Variants in ZGRF1 observed in about 807,000 individuals in gnomAD.
ZGRF1 encodes 5'-3' DNA helicase ZGRF1.
A neutral mutation model predicts 203.5 loss-of-function variants in ZGRF1; 196 were observed. The observed-to-expected ratio is 0.96, with a 90% CI of 0.86 to 1.08. ZGRF1 has a LOEUF of 1.08. ZGRF1 is among the 50% of genes least tolerant of loss of function. ZGRF1 has a pLI of 0.00. For synonymous variants in ZGRF1, 809 were observed against 841.3 expected (o/e 0.96, Z 0.66); for missense variants, 2,326 against 2,416.3 (o/e 0.96, Z 0.78).
chr4:112,540,118 G>A lies in ZGRF1; in HGVS notation c.5917C>T (p.His1973Tyr). The A allele has an allele frequency of 6.5e-7, 1 of 1,546,876 alleles. No individual in the cohort carries two copies. Among genetic ancestry groups the A allele is most frequent in the Middle Eastern group, 1.7e-4 (1 of 5,882 alleles). ...LYKSQMYKLC[H>Y]LLSAVDFHHP... Reference sequence around the variant, plus strand: ...TGAAAGTCCACAGCACTGAGTAAATGACAAAGCTGTGGAAGAAAAAACAGC... The same window carrying A: ...TGAAAGTCCACAGCACTGAGTAAATAACAAAGCTGTGGAAGAAAAAACAGC... The change falls in exon 27 of 28, where the codon CAT (histidine) becomes TAT (tyrosine). Residue 1973 changes from histidine to tyrosine, a missense_variant. Coordinates refer to ENST00000505019, the MANE Select transcript of ZGRF1 (RefSeq NM_018392.5).
chr4:112,585,163 G>C (rs756927824), intron 14 of ZGRF1, among the ~76,000 whole-genome samples: 6 of 152,138 alleles, frequency 3.9e-5, no homozygotes, highest in Non-Finnish European at 5.9e-5. Context: ...CTAGCACTTT[G>C]GGAGGCCAAG....
rs773555655 is a variant in ZGRF1, at chr4:112,631,985, T to C, written c.47A>G (p.Lys16Arg). 1.9e-5 allele frequency: 31 copies of C among 1,591,580 alleles called. No homozygotes were observed. Among genetic ancestry groups the C allele is most frequent in the Non-Finnish European group, 2.5e-5 (29 of 1,168,144 alleles). The change falls in exon 3 of 28, where the codon AAG (lysine) becomes AGG (arginine). Residue 16 changes from lysine (K) to arginine (R), a missense_variant. Transcript: ENST00000505019. The part of the protein sequence containing the change: ...FIVLYTHQKM[K>R]KSKVWQDGIL... ...TCCATCTTGCCACACTTTTGACTTC[T>C]TCATCTTTTGATGAGTATATAGAAC... is the stretch of plus-strand genomic sequence containing the variant.
chr4:112,562,069 C>G (rs1305989485), intron 18 of ZGRF1, among the ~76,000 whole-genome samples: 3 of 151,892 alleles, frequency 2.0e-5, no homozygotes, highest in African/African-American at 4.8e-5. Context: ...GCCAGTATGC[C>G]CAGCTAATTT....
rs1017352395 is a variant in ZGRF1, at chr4:112,619,502, C to T, written c.540G>A (p.Val180=). 3 of 1,613,306 alleles carry T rather than the reference C, an allele frequency of 1.9e-6. No homozygotes were observed. Among genetic ancestry groups the T allele is most frequent in the African/African-American group, 2.7e-5 (2 of 74,894 alleles). The change falls in exon 6 of 28, where the codon GTG becomes GTA. Residue 180 remains valine (V), a synonymous_variant. Transcript: ENST00000505019. ...CATTTCTCTCCCTGTTCTTGTAAGT[C>T]ACAATGTTCTCAGGGTCTGCCAGTA... ...NNILADPENI[V]TYKNRERNAM...
intron 10 of ZGRF1, among the ~76,000 whole-genome samples, chr4:112,600,595 G>T (rs759546824): frequency 6.6e-6 from 1 of 152,040 alleles, no homozygotes; most frequent in South Asian, 2.1e-4. Context: ...GGAGGCTGAC[G>T]CAGGAGAATC....
intron 10 of ZGRF1, among the ~76,000 whole-genome samples, chr4:112,598,894 T>C (rs972236772): frequency 1.3e-5 from 2 of 151,812 alleles, no homozygotes; most frequent in East Asian, 1.9e-4. Flanking sequence ...CTATAAAAAA[T>C]TTAAAAATTA....
rs1475791691 is a variant in ZGRF1 at position 112,580,700 on chromosome 4, G to C, written c.4438+963C>G. Among the ~76,000 whole-genome samples the C allele has an allele frequency of 1.1e-4, 16 of 152,346 alleles. No homozygotes were observed. In the East Asian group the frequency reaches 2.9e-3, roughly 28 times the overall value. ...AAATGCTCATCATCACTGGCCATCA[G>C]AGAACTGCAAATCAAAACCACAATG... is the stretch of plus-strand genomic sequence containing the variant. On this transcript the variant is annotated intron_variant, in intron 16 of 27. Transcript: ENST00000505019.
At chr4:112,568,839 C>A (rs367776757) in intron 16 of ZGRF1, among the ~76,000 whole-genome samples, 1 of 151,200 alleles carries the variant, frequency 6.6e-6, no homozygotes, top group Admixed American at 6.6e-5. Flanking sequence ...CATGGTGAAA[C>A]CCTATCTCTA....
chr4:112,551,782 A>AT (rs201138821), intron 22 of ZGRF1, among the ~76,000 whole-genome samples: 4,257 of 152,260 alleles, frequency 0.028, 95 homozygotes, highest in Middle Eastern at 0.092. Context: ...GTCAAGAAGC[A>AT]TTTTTTAAAT....
chr4:112,546,592 A>G (rs1416946935), intron 24 of ZGRF1, among the ~76,000 whole-genome samples: 2 of 152,232 alleles, frequency 1.3e-5, no homozygotes, highest in African/African-American at 2.4e-5. Context: ...GATTCTGCCT[A>G]ATCCTCACGG....
At chr4:112,551,230 T>A (rs1416474580) in intron 22 of ZGRF1, among the ~76,000 whole-genome samples, 2 of 152,214 alleles carry the variant, frequency 1.3e-5, no homozygotes, top group East Asian at 3.9e-4. Flanking sequence ...TGAGGAGCAA[T>A]AGGCTATACT....
chr4:112,559,237 T>G (rs1411674311), intron 19 of ZGRF1, among the ~76,000 whole-genome samples: 1 of 152,128 alleles, frequency 6.6e-6, no homozygotes, highest in Non-Finnish European at 1.5e-5. Flanking sequence ...CTGGCTCTGT[T>G]GCCCAGGCTG....
chr4:112,593,346 T>C (rs928785644), intron 10 of ZGRF1, among the ~76,000 whole-genome samples: 1 of 152,194 alleles, frequency 6.6e-6, no homozygotes, highest in Admixed American at 6.5e-5. Flanking sequence ...CCTACTTCAA[T>C]TCACTATCAT....
intron 22 of ZGRF1, among the ~76,000 whole-genome samples, chr4:112,549,413 C>T (rs181794624): frequency 4.7e-4 from 71 of 152,262 alleles, no homozygotes; most frequent in Non-Finnish European, 7.6e-4. Context: ...CATATACATA[C>T]GTGTGTATAA....
At chr4:112,596,602 T>TG (rs1187161313) in intron 10 of ZGRF1, among the ~76,000 whole-genome samples, 25 of 152,072 alleles carry the variant, frequency 1.6e-4, no homozygotes, top group East Asian at 1.2e-3. Context: ...GATTTTTTTT[T>TG]TTGTTGTTGG....
At chr4:112,599,573 T>G (rs924767736) in intron 10 of ZGRF1, among the ~76,000 whole-genome samples, 1 of 149,686 alleles carries the variant, frequency 6.7e-6, no homozygotes, top group African/African-American at 2.5e-5. Flanking sequence ...AAAAAAAAAA[T>G]TAGCCAGGCA....
chr4:112,594,864 C>T (rs1025301707), intron 10 of ZGRF1, among the ~76,000 whole-genome samples: 5 of 152,114 alleles, frequency 3.3e-5, no homozygotes, highest in South Asian at 2.1e-4. Context: ...ATGCATGTTT[C>T]GTTTCCTGTC....
chr4:112,560,361 T>A (rs1040054826), intron 19 of ZGRF1, among the ~76,000 whole-genome samples: 3 of 152,186 alleles, frequency 2.0e-5, no homozygotes, highest in Non-Finnish European at 2.9e-5. Flanking sequence ...AATGAGGTTA[T>A]GAGAAGAATT....
At chr4:112,622,482 C>T (rs2047092577) in intron 4 of ZGRF1, among the ~76,000 whole-genome samples, 2 of 140,270 alleles carry the variant, frequency 1.4e-5, no homozygotes, top group African/African-American at 5.3e-5. Context: ...ATTATGCCAC[C>T]ATACTCCAGC....
Sources: gnomAD v4.1 joint callset for allele counts (sites outside exome capture counted in the v4.1 genomes callset) on GRCh38, gnomAD v4.1.1 for gene constraint, MANE v1.5 for transcripts, NCBI Gene and HGNC (gene_info 2026-07-23, HGNC 2026-07-21) for gene names.